CEP170: variants seen among roughly 807,000 people sequenced by gnomAD.
The protein encoded by CEP170 is centrosomal protein 170.
CEP170 carries 21 observed loss-of-function variants against 151.9 expected under a neutral mutation model. The observed-to-expected ratio is 0.14, with a 90% CI of 0.10 to 0.20. The LOEUF is 0.20. Among genes scored for constraint, CEP170 ranks in the 10% least tolerant of loss-of-function variants. CEP170 has a pLI of 1.00. For synonymous variants in CEP170, 356 were observed against 648.8 expected (o/e 0.55, Z 6.86); for missense variants, 964 against 1,892.9 (o/e 0.51, Z 9.11).
At chr1:243,226,387 A>G (rs2063305498) in intron 1 of CEP170, among the ~76,000 whole-genome samples, 1 of 151,798 alleles carries the variant, frequency 6.6e-6, no homozygotes, top group African/African-American at 2.4e-5. Context: ...AAGTGAGAAG[A>G]GTAGCACTAT....
At chr1:243,239,223 C>T (rs2993733) in intron 1 of CEP170, among the ~76,000 whole-genome samples, 5 of 152,104 alleles carry the variant, frequency 3.3e-5, no homozygotes, top group Non-Finnish European at 5.9e-5. Flanking sequence ...GCCTTTTTTC[C>T]TGTTCTCCCC....
chr1:243,144,817 A>T (rs948559730), intron 14 of CEP170, among the ~76,000 whole-genome samples: 4 of 152,212 alleles, frequency 2.6e-5, no homozygotes, highest in African/African-American at 9.6e-5. Context: ...TTTATTACAA[A>T]ATATGGATAA....
chr1:243,199,275 C>T, intron 6 of CEP170, 81 bp from the exon 7 acceptor site: 3 of 1,440,354 alleles, frequency 2.1e-6, no homozygotes, highest in Non-Finnish European at 2.8e-6. Context: ...GAACTGCCTG[C>T]TTGATTAATT....
At chr1:243,172,476 T>C (rs2058917532) in intron 11 of CEP170, among the ~76,000 whole-genome samples, 1 of 152,026 alleles carries the variant, frequency 6.6e-6, no homozygotes, top group African/African-American at 2.4e-5. Flanking sequence ...CTACTAAAAA[T>C]ATGAAATTAG....
intron 4 of CEP170, among the ~76,000 whole-genome samples, chr1:243,201,227 A>C (rs945874161): frequency 6.6e-6 from 1 of 152,082 alleles, no homozygotes; most frequent in Non-Finnish European, 1.5e-5. Context: ...ATGATTAACC[A>C]ACAGCAATTC....
intron 1 of CEP170, among the ~76,000 whole-genome samples, chr1:243,240,980 A>ACCG (rs2064779753): frequency 6.6e-6 from 1 of 152,230 alleles, no homozygotes; most frequent in African/African-American, 2.4e-5. Context: ...GGTGTAAGCC[A>ACCG]CCGTGCCCAG....
chr1:243,159,218 TTAAG>T (rs1378857316), intron 13 of CEP170, among the ~76,000 whole-genome samples: 1 of 152,088 alleles, frequency 6.6e-6, no homozygotes, highest in African/African-American at 2.4e-5. Flanking sequence ...TTAAAAATCA[TTAAG>T]TAATTAAGAG....
intron 11 of CEP170, among the ~76,000 whole-genome samples, chr1:243,172,066 CAT>C (rs2058884703): frequency 6.6e-6 from 1 of 152,128 alleles, no homozygotes; most frequent in South Asian, 2.1e-4. Flanking sequence ...ATACAGGAAA[CAT>C]ATACTTCTAA....
intron 10 of CEP170, among the ~76,000 whole-genome samples, chr1:243,173,453 A>C (rs541405039): frequency 6.6e-6 from 1 of 151,936 alleles, no homozygotes; most frequent in African/African-American, 2.4e-5. Flanking sequence ...AAGATTTAAT[A>C]GGTCAGGCGT....
At chr1:243,178,180 T>A (rs1226985183) in intron 10 of CEP170, among the ~76,000 whole-genome samples, 2 of 151,450 alleles carry the variant, frequency 1.3e-5, no homozygotes, top group African/African-American at 4.9e-5. Context: ...AATACAAAAA[T>A]TAACCGGGCG....
intron 14 of CEP170, among the ~76,000 whole-genome samples, chr1:243,151,200 A>G (rs2057039397): frequency 6.6e-6 from 1 of 151,962 alleles, no homozygotes; most frequent in African/African-American, 2.4e-5. Flanking sequence ...GCTATCCTTT[A>G]GGCATGTTGG....
chr1:243,145,885 A>G (rs1472354432), intron 14 of CEP170, among the ~76,000 whole-genome samples: 3 of 152,212 alleles, frequency 2.0e-5, no homozygotes, highest in Non-Finnish European at 2.9e-5. Context: ...GAGTTTAAGG[A>G]GAGACATTTA....
intron 1 of CEP170, among the ~76,000 whole-genome samples, chr1:243,250,100 G>A (rs2065803335): frequency 6.6e-6 from 1 of 151,780 alleles, no homozygotes; most frequent in South Asian, 2.1e-4. Context: ...AAACAAAAAG[G>A]CCCCAAAAAC....
At chr1:243,248,896 T>A (rs1008837901) in intron 1 of CEP170, among the ~76,000 whole-genome samples, 16 of 152,152 alleles carry the variant, frequency 1.1e-4, no homozygotes, top group Admixed American at 9.2e-4. Context: ...GTTCTCCAAA[T>A]TCACTTATCC....
intron 4 of CEP170, among the ~76,000 whole-genome samples, chr1:243,206,919 C>T (rs1213821162): frequency 1.3e-5 from 2 of 151,780 alleles, no homozygotes; most frequent in Admixed American, 1.3e-4. Context: ...AAAACAACAA[C>T]AAAAAATTAC....
Position 243,191,446 on chromosome 1 carries a change from T to G in CEP170, c.680A>C (p.Asn227Thr). 6.6e-7 allele frequency: 1 copy of G among 1,524,306 alleles called. No homozygotes were observed. Among genetic ancestry groups the G allele is most frequent in the Non-Finnish European group, 8.9e-7 (1 of 1,123,536 alleles). 94.4% of individuals were successfully genotyped at this position (1,524,306 alleles called of 1,614,324 possible). ...KQVEEQSAAA[N>T]EEVLFPFCRE... ...ACAGAAAGGAAAAAGTACTTCTTCATTTGCAGCTGCAGATTGTTCCTCAAC... is the reference window on the plus strand; with the variant it reads ...ACAGAAAGGAAAAAGTACTTCTTCAGTTGCAGCTGCAGATTGTTCCTCAAC... The change falls in exon 8 of 20, where the codon AAT becomes ACT. Residue 227 changes from asparagine to threonine, a missense_variant. Physicochemically the swap from Asn to Thr is moderately conservative, Grantham distance 65. Transcript: ENST00000366542.
rs543126455 is a variant in CEP170 at position 243,176,030 on chromosome 1, T to A, written c.1567-3184A>T. Among the ~76,000 whole-genome samples the A allele has an allele frequency of 2.8e-4, 42 of 152,272 alleles. No homozygotes were observed. In the South Asian group the frequency reaches 7.1e-3, roughly 26 times the overall value. On this transcript the variant is annotated intron_variant, in intron 10 of 19. Coordinates refer to ENST00000366542, the MANE Select transcript of CEP170 (RefSeq NM_014812.3). ...CCAGGATGGTCTCCATCTCCTGACCTCATCATCTGCCTGCCTCAGCCTCCC... is the reference window on the plus strand; with the variant it reads ...CCAGGATGGTCTCCATCTCCTGACCACATCATCTGCCTGCCTCAGCCTCCC...
At position 243,143,180 on chromosome 1, in the gene CEP170, G is replaced by GGTCT. The variant is rs527909796; in HGVS notation, c.3912-721_3912-718dup. ...ACAAGCTTCACAAAATGGGCAAAGG[G>GGTCT]GTCTACAGTACCAAGAAATTAAGAA... is the stretch of plus-strand genomic sequence containing the variant. On this transcript the variant is annotated intron_variant, in intron 14 of 19. Coordinates refer to ENST00000366542, the MANE Select transcript of CEP170 (RefSeq NM_014812.3). Among the ~76,000 whole-genome samples the GGTCT allele has an allele frequency of 2.6e-5, 4 of 151,924 alleles. No individual in the cohort carries two copies. The South Asian group carries it at 8.4e-4, about 32-fold the overall frequency.
rs199702413 is a variant in CEP170 at position 243,169,726 on chromosome 1, C to T, written c.1745G>A (p.Arg582His). The change falls in exon 12 of 20, where the codon CGT (arginine) becomes CAT (histidine). Residue 582 changes from arginine to histidine, a missense_variant. Physicochemically the swap from Arg to His is conservative, Grantham distance 29. Coordinates refer to ENST00000366542, the MANE Select transcript of CEP170 (RefSeq NM_014812.3). ...EEGTSSSGSKRWVSQWASLAA... is the reference protein window; with the variant it reads ...EEGTSSSGSKHWVSQWASLAA... Reference sequence around the variant, plus strand: ...CAAACTAGCCCACTGTGAAACCCAACGTTTGCTTCCAGATGAAGATGTGCC... The same window carrying T: ...CAAACTAGCCCACTGTGAAACCCAATGTTTGCTTCCAGATGAAGATGTGCC... 54 of 1,613,426 alleles carry T rather than the reference C, an allele frequency of 3.3e-5. No individual in the cohort carries two copies. Among genetic ancestry groups the T allele is most frequent in the Middle Eastern group, 1.6e-4 (1 of 6,076 alleles).
Sources: gnomAD v4.1 joint callset for allele counts (sites outside exome capture counted in the v4.1 genomes callset) on GRCh38, gnomAD v4.1.1 for gene constraint, MANE v1.5 for transcripts, NCBI Gene and HGNC (gene_info 2026-07-23, HGNC 2026-07-21) for gene names.